The following EDNRB variants were observed in gnomAD, a reference collection of about 807,000 sequenced individuals.
EDNRB encodes the protein Hirschsprung disease 2.
EDNRB carries 18 observed loss-of-function variants against 46.4 expected under a neutral mutation model. The ratio of observed to expected loss-of-function variants is 0.39; its 90% CI spans 0.27 to 0.57. The LOEUF (loss-of-function observed/expected upper bound fraction) is 0.57. Ranked by LOEUF, EDNRB falls within the 20% of genes least tolerant of loss-of-function variation. The pLI is 0.61. For synonymous variants in EDNRB, 213 were observed against 204.9 expected (o/e 1.04, Z -0.34); for missense variants, 434 against 537.5 (o/e 0.81, Z 1.90).
intron 1 of EDNRB, among the ~76,000 whole-genome samples, chr13:77,945,876 C>CAAA (rs67463440): frequency 1.3e-3 from 154 of 115,602 alleles, no homozygotes; most frequent in African/African-American, 3.4e-3. Flanking sequence ...TGCAAAAAAC[C>CAAA]AAAAAAAAAA....
intron 1 of EDNRB, among the ~76,000 whole-genome samples, chr13:77,945,876 C>CAAAA (rs67463440): frequency 8.7e-6 from 1 of 115,592 alleles, no homozygotes; most frequent in African/African-American, 3.2e-5. Context: ...TGCAAAAAAC[C>CAAAA]AAAAAAAAAA....
rs940471450 is a variant in EDNRB, at chr13:77,897,655, G to T, written c.*545C>A. 1.0e-6 allele frequency: 1 copy of T among 986,666 alleles called. No individual in the cohort carries two copies. The highest frequency in any genetic ancestry group is 1.7e-5 in the African/African-American group (1 of 57,268). 61.1% of individuals were successfully genotyped at this position (986,666 alleles called of 1,614,324 possible). On this transcript the variant is annotated 3_prime_UTR_variant, in exon 7 of 7. Coordinates refer to ENST00000646607, the MANE Select transcript of EDNRB (RefSeq NM_001122659.3). Reference sequence around the variant, plus strand: ...CCTCCTGATCATTTAAATGTTTCCAGTGTCCGAAAAATGCAACAACTAAAC... The same window carrying T: ...CCTCCTGATCATTTAAATGTTTCCATTGTCCGAAAAATGCAACAACTAAAC...
intron 1 of EDNRB, among the ~76,000 whole-genome samples, chr13:77,912,735 A>G (rs1879633282): frequency 6.6e-6 from 1 of 152,150 alleles, no homozygotes; most frequent in Non-Finnish European, 1.5e-5. Context: ...CTTTAAATGC[A>G]CTTAATTGGT....
intron 1 of EDNRB, among the ~76,000 whole-genome samples, chr13:77,962,342 A>G (rs1245722659): frequency 6.6e-6 from 1 of 152,232 alleles, no homozygotes; most frequent in Non-Finnish European, 1.5e-5. Context: ...AGAGTATTGT[A>G]GACCAATATC....
At chr13:77,899,525 G>C (rs1878823818) in intron 6 of EDNRB, 1 of 233,232 alleles carries the variant, frequency 4.3e-6, no homozygotes, top group African/African-American at 2.3e-5. Flanking sequence ...CAAAAACAGG[G>C]AACAGGGCCT....
chr13:77,925,299 A>G (rs939119784), intron 1 of EDNRB, among the ~76,000 whole-genome samples: 2 of 152,230 alleles, frequency 1.3e-5, no homozygotes, highest in Admixed American at 6.5e-5. Context: ...AAGTCTGCAA[A>G]TACCTCTTTT....
intron 1 of EDNRB, among the ~76,000 whole-genome samples, chr13:77,973,390 TA>T (rs1333761091): frequency 1.3e-5 from 2 of 152,192 alleles, no homozygotes; most frequent in Non-Finnish European, 2.9e-5. Context: ...GGTAAGATTT[TA>T]TAGACTCTTT....
chr13:77,897,932 G>A lies in EDNRB; in HGVS notation c.*268C>T. 1 of 1,199,260 alleles carries A rather than the reference G, an allele frequency of 8.3e-7. No homozygotes were observed. 74.3% of individuals were successfully genotyped at this position (1,199,260 alleles called of 1,614,324 possible). A position where few individuals can be genotyped will look rare whatever the true frequency, so the allele number is the denominator to read the frequency against. On this transcript the variant is annotated 3_prime_UTR_variant, in exon 7 of 7. Coordinates refer to ENST00000646607, the MANE Select transcript of EDNRB (RefSeq NM_001122659.3). ...GTGTTGTGTGAATATCCTGGAAGTT[G>A]TTAAGAGCTATGTTGAAGTGCTAAC...
At chr13:77,931,640 G>T (rs1022635167) in intron 1 of EDNRB, among the ~76,000 whole-genome samples, 4 of 150,524 alleles carry the variant, frequency 2.7e-5, no homozygotes, top group African/African-American at 9.8e-5. Flanking sequence ...AACTAACCAA[G>T]AGAGGGAGAG....
At chr13:77,915,911 T>TA (rs1879784510) in intron 1 of EDNRB, among the ~76,000 whole-genome samples, 3 of 152,216 alleles carry the variant, frequency 2.0e-5, no homozygotes, top group Admixed American at 2.0e-4. Context: ...AGGGAAATCA[T>TA]ATGGGAGTTT....
chr13:77,918,596 G>T lies in EDNRB; in HGVS notation c.-23C>A. The stretch of plus-strand genomic sequence containing the variant: ...CATGCTGCTACCTGCTCCAGAAGGC[G>T]TCCGGTGGCCGCTCCGCAGTTTCAG... On this transcript the variant is annotated 5_prime_UTR_variant, in exon 1 of 7. Transcript: ENST00000646607. The surrounding 1 kb of genome is among the most constrained non-coding windows in gnomAD (Gnocchi z 4.5). 2 of 1,574,474 alleles carry T rather than the reference G, an allele frequency of 1.3e-6. No homozygotes were observed. Among genetic ancestry groups the T allele is most frequent in the Admixed American group, 1.9e-5 (1 of 52,454 alleles).
intron 1 of EDNRB, among the ~76,000 whole-genome samples, chr13:77,972,052 G>A (rs762323847): frequency 1.6e-4 from 25 of 152,190 alleles, no homozygotes; most frequent in East Asian, 5.8e-4. Flanking sequence ...CCTCCCTGTC[G>A]TGAGAGACAT....
At chr13:77,956,671 C>G (rs1881250099) in intron 1 of EDNRB, among the ~76,000 whole-genome samples, 1 of 152,210 alleles carries the variant, frequency 6.6e-6, no homozygotes, top group Admixed American at 6.5e-5. Flanking sequence ...TGACACAGGT[C>G]TTACTGGGCT....
At chr13:77,971,822 T>G (rs1451745424) in intron 1 of EDNRB, among the ~76,000 whole-genome samples, 1 of 152,180 alleles carries the variant, frequency 6.6e-6, no homozygotes, top group East Asian at 1.9e-4. Context: ...GATGTCTTAT[T>G]TTTTCTCCTT....
intron 4 of EDNRB, 93 bp from the exon 5 acceptor site, chr13:77,900,747 A>G: frequency 6.4e-7 from 1 of 1,559,602 alleles, no homozygotes; most frequent in Non-Finnish European, 8.7e-7. Context: ...TGTCTACAAA[A>G]AGTCAGTGGC....
chr13:77,902,815 G>A (rs763443118), intron 3 of EDNRB, among the ~76,000 whole-genome samples: 1 of 151,942 alleles, frequency 6.6e-6, no homozygotes, highest in Non-Finnish European at 1.5e-5. Context: ...GCCTTGCTGA[G>A]AAAACTTTTG....
chr13:77,960,793 C>T lies in EDNRB; in HGVS notation c.-52+14554G>A, dbSNP rs191848274. On this transcript the variant is annotated intron_variant, in intron 1 of 7. Transcript: ENST00000646948. ...ATCAGTGTGCTGTATTCAGGAGACC[C>T]ATCTCACGTGCAGAGACACACATAG... 6.6e-4 allele frequency among the ~76,000 whole-genome samples: 100 copies of T among 151,130 alleles called. 1 individual carries two copies. The highest frequency in any genetic ancestry group is 1.3e-3 in the Non-Finnish European group (85 of 67,900).
intron 1 of EDNRB, among the ~76,000 whole-genome samples, chr13:77,935,746 G>A (rs1369646406): frequency 3.3e-5 from 5 of 152,186 alleles, no homozygotes; most frequent in African/African-American, 4.8e-5. Flanking sequence ...GTCAGGGTCA[G>A]TCCAGGTGAA....
At chr13:77,918,888 G>C (rs1038177298), upstream of EDNRB, 38 of 1,248,842 alleles carry the variant, frequency 3.0e-5, no homozygotes, top group Non-Finnish European at 3.1e-5. The surrounding 1 kb of genome is among the most constrained non-coding windows in gnomAD (Gnocchi z 4.5). Context: ...GTTCTGGAAG[G>C]GGTGTGCCAG....
Sources: allele counts gnomAD v4.1 joint callset (sites outside exome capture counted in the v4.1 genomes callset), GRCh38; gene constraint gnomAD v4.1.1; non-coding constraint Gnocchi (gnomAD v3.1); transcripts MANE v1.5; gene names NCBI Gene and HGNC (gene_info 2026-07-23, HGNC 2026-07-21).